TMEM178B: variants seen among roughly 807,000 people sequenced by gnomAD.
TMEM178B encodes the protein transmembrane protein 178B.
A neutral mutation model predicts 31.0 loss-of-function variants in TMEM178B; 5 were observed. The observed-to-expected ratio is 0.16, with a 90% CI of 0.08 to 0.34. The LOEUF is 0.34. TMEM178B is among the 10% of genes least tolerant of loss of function. The probability of loss-of-function intolerance (pLI) is 1.00; values close to 1 mark genes in which losing one functional copy is unlikely to be tolerated. For missense variants in TMEM178B, 275 were observed against 400.3 expected (o/e 0.69, Z 2.67); for synonymous variants, 164 against 164.0 (o/e 1.00, Z 0.00).
chr7:141,462,236 G>A (rs1802071229), intron 3 of TMEM178B, among the ~76,000 whole-genome samples: 2 of 152,140 alleles, frequency 1.3e-5, no homozygotes, highest in South Asian at 4.1e-4. Flanking sequence ...AGGCAAACTG[G>A]AATGGTTAGT....
At chr7:141,251,684 A>C (rs1283822614) in intron 2 of TMEM178B, among the ~76,000 whole-genome samples, 1 of 152,184 alleles carries the variant, frequency 6.6e-6, no homozygotes, top group African/African-American at 2.4e-5. Flanking sequence ...TTATTACCCC[A>C]GGTATACTTT....
At chr7:141,282,920 T>C (rs2116402516) in intron 2 of TMEM178B, among the ~76,000 whole-genome samples, 2 of 152,346 alleles carry the variant, frequency 1.3e-5, no homozygotes, top group Middle Eastern at 6.8e-3. Context: ...TATAATTTAT[T>C]GAATGCTTAG....
intron 1 of TMEM178B, among the ~76,000 whole-genome samples, chr7:141,078,523 T>A (rs1794632929): frequency 1.3e-5 from 2 of 152,188 alleles, no homozygotes; most frequent in Non-Finnish European, 2.9e-5. Context: ...ATCGCTAGGA[T>A]GAAGAAATGC....
At chr7:141,303,400 G>T (rs1182795718) in intron 2 of TMEM178B, among the ~76,000 whole-genome samples, 1 of 152,220 alleles carries the variant, frequency 6.6e-6, no homozygotes, top group Non-Finnish European at 1.5e-5. Context: ...GGGAGATTCA[G>T]AACCCATCCA....
intron 2 of TMEM178B, among the ~76,000 whole-genome samples, chr7:141,247,302 T>C (rs1797752944): frequency 6.6e-6 from 1 of 152,186 alleles, no homozygotes; most frequent in Non-Finnish European, 1.5e-5. Flanking sequence ...AGATAATTCT[T>C]TATATACATG....
chr7:141,256,985 A>G (rs1797938616), intron 2 of TMEM178B, among the ~76,000 whole-genome samples: 1 of 152,170 alleles, frequency 6.6e-6, no homozygotes, highest in Non-Finnish European at 1.5e-5. Flanking sequence ...CATGATATTG[A>G]CAGTTGTGGT....
chr7:141,495,237 G>A, the TMEM178B span, among the ~76,000 whole-genome samples: 1 of 152,150 alleles, frequency 6.6e-6, no homozygotes. Context: ...GGGAAGCCAA[G>A]AGTCCACTAG....
chr7:141,116,636 A>G (rs1451513922), intron 1 of TMEM178B, among the ~76,000 whole-genome samples: 2 of 151,946 alleles, frequency 1.3e-5, no homozygotes, highest in Non-Finnish European at 2.9e-5. Context: ...CATCTACACT[A>G]GGTATTTCTC....
At chr7:141,264,332 G>A (rs1199772120) in intron 2 of TMEM178B, among the ~76,000 whole-genome samples, 3 of 152,168 alleles carry the variant, frequency 2.0e-5, no homozygotes, top group Admixed American at 6.5e-5. Flanking sequence ...ACTCTCTTTG[G>A]GCAAGGTTAA....
At chr7:141,399,578 T>G (rs1389739720) in intron 2 of TMEM178B, among the ~76,000 whole-genome samples, 4 of 152,212 alleles carry the variant, frequency 2.6e-5, no homozygotes, top group African/African-American at 9.7e-5. Flanking sequence ...GAGGGTGGCT[T>G]GTCCTTAACT....
At chr7:141,166,196 A>T (rs1050873722) in intron 1 of TMEM178B, among the ~76,000 whole-genome samples, 3 of 152,180 alleles carry the variant, frequency 2.0e-5, no homozygotes, top group Admixed American at 2.0e-4. Context: ...CCAATTATGA[A>T]GTTCCCCTTG....
chr7:141,222,835 AGC>A (rs1797277773), intron 2 of TMEM178B, among the ~76,000 whole-genome samples: 1 of 152,236 alleles, frequency 6.6e-6, no homozygotes, highest in Non-Finnish European at 1.5e-5. Flanking sequence ...TGGCAAGTGT[AGC>A]ATATTGTGAA....
At chr7:141,224,979 G>A (rs1480388762) in intron 2 of TMEM178B, among the ~76,000 whole-genome samples, 1 of 152,204 alleles carries the variant, frequency 6.6e-6, no homozygotes, top group Admixed American at 6.5e-5. Flanking sequence ...ACCGCTAAAG[G>A]TTGACAGCCT....
At chr7:141,105,076 A>G (rs1207062123) in intron 1 of TMEM178B, among the ~76,000 whole-genome samples, 2 of 152,140 alleles carry the variant, frequency 1.3e-5, no homozygotes, top group African/African-American at 4.8e-5. Flanking sequence ...TTTCATCCCA[A>G]AGTTGACATG....
intron 2 of TMEM178B, among the ~76,000 whole-genome samples, chr7:141,358,185 C>G (rs892170079): frequency 1.3e-5 from 2 of 152,132 alleles, no homozygotes; most frequent in African/African-American, 4.8e-5. Flanking sequence ...GCACACTGGC[C>G]TGGTATCCTC....
At chr7:141,487,873 A>T in the TMEM178B span, among the ~76,000 whole-genome samples, 2 of 152,060 alleles carry the variant, frequency 1.3e-5, no homozygotes, top group Non-Finnish European at 2.9e-5. Context: ...CAATTAAGAC[A>T]AACTTTTCTT....
At chr7:141,444,584 A>T (rs971293011) in intron 3 of TMEM178B, among the ~76,000 whole-genome samples, 11 of 152,206 alleles carry the variant, frequency 7.2e-5, no homozygotes, top group Non-Finnish European at 1.5e-5. Context: ...ACTTGAATTC[A>T]TGAAGAGCTT....
intron 2 of TMEM178B, among the ~76,000 whole-genome samples, chr7:141,308,854 T>C (rs764523231): frequency 2.0e-5 from 3 of 152,192 alleles, no homozygotes; most frequent in Non-Finnish European, 4.4e-5. Context: ...TTTGTTGTAA[T>C]TGGCCACCTT....
rs929372201 is a variant in TMEM178B, at chr7:141,479,808, A to G, written c.*9022A>G. On this transcript the variant is annotated 3_prime_UTR_variant, in exon 4 of 4. Transcript: ENST00000565468. ...TATTTACCTTTATTTTAATTTGCATAGTGCTTTCTGATTGGTCAGACAAGG... is the reference window on the plus strand; with the variant it reads ...TATTTACCTTTATTTTAATTTGCATGGTGCTTTCTGATTGGTCAGACAAGG... The G allele has an allele frequency of 2.6e-5, 4 of 152,214 alleles. No homozygotes were observed. Among genetic ancestry groups the G allele is most frequent in the Non-Finnish European group, 5.9e-5 (4 of 68,038 alleles). The allele number at this position is 152,214 out of a possible 1,614,324, so 9.4% of individuals were successfully genotyped here.
Sources: gnomAD v4.1 joint callset for allele counts (sites outside exome capture counted in the v4.1 genomes callset) on GRCh38, gnomAD v4.1.1 for gene constraint, MANE v1.5 for transcripts, NCBI Gene and HGNC (gene_info 2026-07-23, HGNC 2026-07-21) for gene names.